Variants in CXADR observed in about 807,000 individuals in gnomAD.
CXADR encodes CXADR cell adhesion molecule.
A neutral mutation model predicts 40.3 loss-of-function variants in CXADR; 20 were observed. The observed-to-expected ratio is 0.50, with a 90% CI of 0.35 to 0.72. The LOEUF is 0.72. Among genes scored for constraint, CXADR ranks in the 30% least tolerant of loss-of-function variants. The pLI is 0.01. For missense variants in CXADR, 332 were observed against 449.1 expected (o/e 0.74, Z 2.36); for synonymous variants, 150 against 161.3 (o/e 0.93, Z 0.53).
At chr21:17,531,114 G>T (rs985466992) in intron 1 of CXADR, among the ~76,000 whole-genome samples, 4 of 151,964 alleles carry the variant, frequency 2.6e-5, no homozygotes, top group African/African-American at 2.4e-5. Context: ...ACTGGCCAGC[G>T]TGGCGAAACC....
intron 1 of CXADR, among the ~76,000 whole-genome samples, chr21:17,532,660 A>G (rs1037983130): frequency 2.6e-5 from 4 of 152,180 alleles, no homozygotes; most frequent in Admixed American, 1.3e-4. Flanking sequence ...CCTTTTAAAT[A>G]TAAAAGATGA....
chr21:17,528,371 G>T (rs1262350600), intron 1 of CXADR, among the ~76,000 whole-genome samples: 1 of 151,640 alleles, frequency 6.6e-6, no homozygotes, highest in Non-Finnish European at 1.5e-5. Context: ...ACCGCGCCCG[G>T]CATGCTTAGT....
At chr21:17,552,290 C>T (rs2060978738) in intron 3 of CXADR, among the ~76,000 whole-genome samples, 1 of 152,030 alleles carries the variant, frequency 6.6e-6, no homozygotes, top group South Asian at 2.1e-4. Context: ...TATGTAGAAC[C>T]ATGTTTCTAT....
rs116834789 is a variant in CXADR at position 17,591,990 on chromosome 21, A to G, written c.1018-1162A>G. 4.2e-3 allele frequency among the ~76,000 whole-genome samples: 633 copies of G among 152,078 alleles called. 4 individuals carry two copies. The highest frequency in any genetic ancestry group is 0.014 in the African/African-American group (601 of 41,550). On this transcript the variant is annotated intron_variant, in intron 7 of 7. Transcript: ENST00000400169. ...TCTTTTGCTCTAAATAAGTTTCAGG[A>G]CAAGGTGGAGGATGGGTAGTCGAAA...
At chr21:17,616,858 C>T in the CXADR span, among the ~76,000 whole-genome samples, 1 of 152,190 alleles carries the variant, frequency 6.6e-6, no homozygotes, top group Admixed American at 6.5e-5. Context: ...ACTAAATCTA[C>T]TTCTCTTGCA....
chr21:17,617,297 ATT>A, the CXADR span, among the ~76,000 whole-genome samples: 2 of 137,758 alleles, frequency 1.5e-5, no homozygotes, highest in Admixed American at 6.9e-5. Context: ...GAGAGGTGCC[ATT>A]ATTGTTGTTG....
intron 1 of CXADR, among the ~76,000 whole-genome samples, chr21:17,524,713 C>A (rs777912507): frequency 1.3e-5 from 2 of 151,364 alleles, no homozygotes; most frequent in Non-Finnish European, 2.9e-5. Context: ...ATAACAAGAC[C>A]TCATCTCTAC....
chr21:17,593,001 T>G, intron 7 of CXADR: 2 of 552,934 alleles, frequency 3.6e-6, no homozygotes, highest in Non-Finnish European at 5.6e-6. Context: ...TATTAGCAAG[T>G]TGTGATTTTT....
At chr21:17,547,228 G>T (rs1450336226) in intron 2 of CXADR, 35 bp downstream of exon 2, 2 of 1,612,556 alleles carry the variant, frequency 1.2e-6, no homozygotes, top group East Asian at 2.2e-5. Flanking sequence ...CTTAGCAGCT[G>T]TCTGTGCAAC....
chr21:17,535,249 T>C (rs1219320983), intron 1 of CXADR, among the ~76,000 whole-genome samples: 1 of 152,110 alleles, frequency 6.6e-6, no homozygotes, highest in African/African-American at 2.4e-5. Context: ...TATTCAGCCT[T>C]CCTAGTAGCT....
At chr21:17,547,826 T>C (rs2060918205) in intron 2 of CXADR, among the ~76,000 whole-genome samples, 1 of 152,138 alleles carries the variant, frequency 6.6e-6, no homozygotes, top group Non-Finnish European at 1.5e-5. Flanking sequence ...CAAAAAACAA[T>C]CTATAAAATA....
the CXADR span, among the ~76,000 whole-genome samples, chr21:17,618,281 A>G: frequency 6.6e-6 from 1 of 152,150 alleles, no homozygotes; most frequent in Non-Finnish European, 1.5e-5. Flanking sequence ...TTCTCTTGCT[A>G]TTTCTACCCC....
rs115222005 is a variant in CXADR, at chr21:17,577,102, C to T, written c.1017+11491C>T. Among the ~76,000 whole-genome samples, 1,054 of 151,980 alleles carry T rather than the reference C, an allele frequency of 6.9e-3. 5 individuals carry two copies. Among genetic ancestry groups the T allele is most frequent in the African/African-American group, 0.024 (997 of 41,432 alleles). On this transcript the variant is annotated intron_variant, in intron 7 of 7. Coordinates refer to the CXADR transcript ENST00000400169. ...GTTATATCAAAATACCTGCCAGTAA[C>T]GAGAGTGCCTCTGCACTTCAGTCTG...
intron 1 of CXADR, among the ~76,000 whole-genome samples, chr21:17,519,982 C>G (rs1275818367): frequency 6.6e-6 from 1 of 151,794 alleles, no homozygotes; most frequent in East Asian, 1.9e-4. Flanking sequence ...TGTATACACA[C>G]ACACACACAC....
At chr21:17,588,648 G>T (rs1035242463) in intron 7 of CXADR, among the ~76,000 whole-genome samples, 9 of 152,032 alleles carry the variant, frequency 5.9e-5, no homozygotes, top group Non-Finnish European at 1.3e-4. Flanking sequence ...TCTGGTTCTG[G>T]ATCTGTAATT....
At chr21:17,618,736 C>T in the CXADR span, among the ~76,000 whole-genome samples, 3 of 152,130 alleles carry the variant, frequency 2.0e-5, no homozygotes, top group Admixed American at 6.5e-5. Context: ...AGGGTTTCAC[C>T]ATGTTAGCCA....
At chr21:17,554,049 T>G (rs1429285212) in intron 3 of CXADR, among the ~76,000 whole-genome samples, 1 of 152,242 alleles carries the variant, frequency 6.6e-6, no homozygotes, top group Non-Finnish European at 1.5e-5. Context: ...GTTCATGATA[T>G]GCGAAGCAGA....
downstream of CXADR, chr21:17,570,234 T>C (rs1345014180): frequency 1.0e-6 from 1 of 954,464 alleles, no homozygotes; most frequent in African/African-American, 1.8e-5. Context: ...AGAATAAAGA[T>C]TGCGACAATC....
intron 1 of CXADR, among the ~76,000 whole-genome samples, chr21:17,524,019 C>T (rs1315510907): frequency 6.6e-6 from 1 of 150,802 alleles, no homozygotes; most frequent in African/African-American, 2.5e-5. Flanking sequence ...CCACCATGCC[C>T]AGGCGATTTT....
Sources: gnomAD v4.1 joint callset for allele counts (sites outside exome capture counted in the v4.1 genomes callset) on GRCh38, gnomAD v4.1.1 for gene constraint, MANE v1.5 for transcripts, NCBI Gene and HGNC (gene_info 2026-07-23, HGNC 2026-07-21) for gene names.